COL14A1: variants seen among roughly 807,000 people sequenced by gnomAD.
The protein encoded by COL14A1 is collagen alpha-1(XIV) chain.
In COL14A1, 136 loss-of-function variants were observed where a neutral mutation model predicts 230.3. That is an observed-to-expected ratio of 0.59 (90% confidence interval 0.51 to 0.68). The LOEUF is 0.68. COL14A1 is among the 30% of genes least tolerant of loss of function. The probability of loss-of-function intolerance (pLI) is 0.00; values close to 1 mark genes in which losing one functional copy is unlikely to be tolerated. For synonymous variants in COL14A1, 792 were observed against 784.1 expected (o/e 1.01, Z -0.17); for missense variants, 1,976 against 2,215.8 (o/e 0.89, Z 2.17).
chr8:120,237,901 G>T (rs1818496961), intron 19 of COL14A1, among the ~76,000 whole-genome samples: 1 of 152,142 alleles, frequency 6.6e-6, no homozygotes, highest in Non-Finnish European at 1.5e-5. Context: ...GTTTGGTGGA[G>T]GGCCATTCCA....
At chr8:120,338,467 C>G (rs1317905704) in intron 42 of COL14A1, among the ~76,000 whole-genome samples, 1 of 152,020 alleles carries the variant, frequency 6.6e-6, no homozygotes, top group Admixed American at 6.6e-5. Context: ...GTGACAAGAC[C>G]TCTTAGTGCC....
Position 120,190,444 on chromosome 8 carries a change from A to G in COL14A1, c.437-6347A>G, listed in dbSNP as rs1049610237. Reference sequence around the variant, plus strand: ...CTCCCATTTTGTAGGTTGCCTGTTCACTCTGATGGTAGTTTCTTTTGCTGT... The same window carrying G: ...CTCCCATTTTGTAGGTTGCCTGTTCGCTCTGATGGTAGTTTCTTTTGCTGT... On this transcript the variant is annotated intron_variant, in intron 5 of 47. Coordinates refer to ENST00000297848, the MANE Select transcript of COL14A1 (RefSeq NM_021110.4). Among the ~76,000 whole-genome samples the G allele has an allele frequency of 7.6e-4, 116 of 151,894 alleles. 1 individual carries two copies. Among genetic ancestry groups the G allele is most frequent in the African/African-American group, 2.7e-3 (112 of 41,424 alleles).
Position 120,332,203 on chromosome 8 carries a change from T to G in COL14A1, c.4713+9T>G. ...GACCACCAGGGCCAATAGTAAGCCT[T>G]TCCAGAAACTACTGGGACATACTCT... On this transcript the variant is annotated intron_variant, in intron 41 of 47. Transcript: ENST00000297848. 6.2e-7 allele frequency: 1 copy of G among 1,612,784 alleles called. No individual in the cohort carries two copies. Among genetic ancestry groups the G allele is most frequent in the Non-Finnish European group, 8.5e-7 (1 of 1,178,836 alleles).
At chr8:120,173,862 C>T (rs899525946) in intron 5 of COL14A1, among the ~76,000 whole-genome samples, 10 of 151,468 alleles carry the variant, frequency 6.6e-5, no homozygotes, top group Admixed American at 2.7e-4. Flanking sequence ...TTTAGAACTG[C>T]TAATCTGTGC....
chr8:120,168,771 G>T (rs979038138), intron 5 of COL14A1, among the ~76,000 whole-genome samples: 1 of 152,096 alleles, frequency 6.6e-6, no homozygotes, highest in African/African-American at 2.4e-5. Flanking sequence ...AATAATGTTA[G>T]GTATTATTGT....
chr8:120,207,026 C>G lies in COL14A1; in HGVS notation c.1123C>G (p.His375Asp). The change falls in exon 10 of 48, where the codon CAT (histidine) becomes GAT (aspartate). Residue 375 changes from histidine (H) to aspartate (D), a missense_variant. By Grantham distance (81) the His-to-Asp change is moderately conservative. This residue lies in a region of COL14A1 where 1,791 missense variants were observed against 2,019.5 expected (regional missense o/e 0.89). Coordinates refer to ENST00000297848, the MANE Select transcript of COL14A1 (RefSeq NM_021110.4). ...TARSFMVNWTHAPGNVEKYRV... is the reference protein window; with the variant it reads ...TARSFMVNWTDAPGNVEKYRV... ...CAGAAGCTTTATGGTTAACTGGACT[C>G]ATGCCCCAGGAAATGTGGAAAAATA... 1 of 1,613,872 alleles carries G rather than the reference C, an allele frequency of 6.2e-7. No individual in the cohort carries two copies. The highest frequency in any genetic ancestry group is 8.5e-7 in the Non-Finnish European group (1 of 1,179,904).
rs540596445 is a variant in COL14A1 at position 120,133,233 on chromosome 8, A to C, written c.-38+7893A>C. Among the ~76,000 whole-genome samples the C allele has an allele frequency of 2.0e-5, 3 of 151,524 alleles. No homozygotes were observed. In the South Asian group the frequency reaches 6.2e-4, roughly 32 times the overall value. On this transcript the variant is annotated intron_variant, in intron 1 of 47. Coordinates refer to ENST00000297848, the MANE Select transcript of COL14A1 (RefSeq NM_021110.4). ...TCCGTCTCAAACAAAAAAAAAATAA[A>C]AAAAAAAAAAATAACTGTTCCAAAG...
chr8:120,183,479 T>C (rs1364546706), intron 5 of COL14A1, among the ~76,000 whole-genome samples: 1 of 152,186 alleles, frequency 6.6e-6, no homozygotes, highest in Non-Finnish European at 1.5e-5. Flanking sequence ...CTGTCTGTAA[T>C]TGAGTTGAAA....
At chr8:120,338,444 T>C (rs1456109353) in intron 42 of COL14A1, among the ~76,000 whole-genome samples, 1 of 152,196 alleles carries the variant, frequency 6.6e-6, no homozygotes, top group Non-Finnish European at 1.5e-5. Context: ...CCTTATTGCC[T>C]GGCCTTGAGC....
intron 2 of COL14A1, among the ~76,000 whole-genome samples, chr8:120,148,869 G>C (rs888134866): frequency 7.9e-5 from 12 of 152,250 alleles, no homozygotes; most frequent in South Asian, 2.1e-4. Flanking sequence ...AAGTAAGTCT[G>C]GGGCTGAAAA....
At chr8:120,293,831 C>A (rs948523234) in intron 34 of COL14A1, among the ~76,000 whole-genome samples, 1 of 151,932 alleles carries the variant, frequency 6.6e-6, no homozygotes, top group Admixed American at 6.6e-5. Flanking sequence ...TGTGTCTATA[C>A]CTTAAAATTC....
At chr8:120,359,711 G>C (rs1315417913) in intron 45 of COL14A1, among the ~76,000 whole-genome samples, 1 of 152,126 alleles carries the variant, frequency 6.6e-6, no homozygotes, top group African/African-American at 2.4e-5. Flanking sequence ...GTACCAGTGA[G>C]GTCATAGTGT....
At chr8:120,165,430 T>A (rs1380401830) in intron 4 of COL14A1, among the ~76,000 whole-genome samples, 1 of 152,186 alleles carries the variant, frequency 6.6e-6, no homozygotes, top group Non-Finnish European at 1.5e-5. Flanking sequence ...GTATTATGAT[T>A]CCAAATTTGC....
At chr8:120,193,462 C>T (rs567618487) in intron 5 of COL14A1, among the ~76,000 whole-genome samples, 19 of 152,306 alleles carry the variant, frequency 1.2e-4, no homozygotes, top group Admixed American at 3.3e-4. Flanking sequence ...CCCTACTGGG[C>T]GGTGCCTCCC....
At chr8:120,208,441 G>T in intron 11 of COL14A1, 80 bp downstream of exon 11, 1 of 1,465,964 alleles carries the variant, frequency 6.8e-7, no homozygotes, top group Non-Finnish European at 9.2e-7. Context: ...ATTCTGCTCA[G>T]GTCATGTTGA....
At chr8:120,188,319 T>C (rs1039299674) in intron 5 of COL14A1, among the ~76,000 whole-genome samples, 2 of 152,138 alleles carry the variant, frequency 1.3e-5, no homozygotes, top group Non-Finnish European at 2.9e-5. Flanking sequence ...TGACCTCAGG[T>C]GATCCACCCA....
chr8:120,212,372 C>T, intron 12 of COL14A1, 76 bp from the exon 13 acceptor site: 1 of 1,498,544 alleles, frequency 6.7e-7, no homozygotes. Flanking sequence ...TGAAGTCTCA[C>T]CTTTGTTCTG....
intron 37 of COL14A1, among the ~76,000 whole-genome samples, chr8:120,313,025 C>T (rs1821097201): frequency 6.6e-6 from 1 of 152,068 alleles, no homozygotes; most frequent in Non-Finnish European, 1.5e-5. Context: ...ATAAGGGTTA[C>T]AGAAATAAGG....
intron 5 of COL14A1, among the ~76,000 whole-genome samples, chr8:120,172,691 C>A (rs1816133622): frequency 6.6e-6 from 1 of 152,154 alleles, no homozygotes; most frequent in African/African-American, 2.4e-5. Context: ...GTTTTCCCCC[C>A]ACACAGAGCT....
Sources: allele counts gnomAD v4.1 joint callset (sites outside exome capture counted in the v4.1 genomes callset), GRCh38; gene constraint gnomAD v4.1.1; regional missense constraint gnomAD v4.1.1; transcripts MANE v1.5; gene names NCBI Gene and HGNC (gene_info 2026-07-23, HGNC 2026-07-21).